Variants in COMMD3 observed in about 807,000 individuals in gnomAD.
COMMD3 encodes COMM domain containing 3.
In COMMD3, 31 loss-of-function variants were observed where a neutral mutation model predicts 31.2. That is an observed-to-expected ratio of 0.99 (90% confidence interval 0.75 to 1.34). The LOEUF is 1.34. COMMD3 is among the 40% of genes most tolerant of loss of function. COMMD3 has a pLI of 0.00. For synonymous variants in COMMD3, 108 were observed against 87.3 expected, an observed-to-expected ratio of 1.24 and a Z score of -1.32; for missense variants, 274 against 236.9, an observed-to-expected ratio of 1.16 and a Z score of -1.03.
At chr10:22,317,120 G>T (rs140896288) in intron 1 of COMMD3, among the ~76,000 whole-genome samples, 25 of 152,290 alleles carry the variant, frequency 1.6e-4, no homozygotes, top group African/African-American at 5.8e-4. Context: ...ACAATACTTT[G>T]TTCCGCCCCA....
rs1835894032 is a variant in COMMD3 at position 22,318,302 on chromosome 10, G to C, written c.346G>C (p.Gly116Arg). The C allele has an allele frequency of 6.2e-7, 1 of 1,602,738 alleles. No individual in the cohort carries two copies. The highest frequency in any genetic ancestry group is 8.5e-7 in the Non-Finnish European group (1 of 1,177,152). ...TAAGAATTCCCTAGAAATCCTACTG[G>C]GAAGGTAGGTACTGTATAAGGTGTC... is the stretch of plus-strand genomic sequence containing the variant. The part of the protein sequence containing the change: ...NNKNSLEILL[G>R]SIGRSLPHIT... The change falls in exon 4 of 8, where the codon GGA (glycine) becomes CGA (arginine). Residue 116 changes from glycine to arginine, a missense_variant. Physicochemically the swap from Gly to Arg is moderately radical, Grantham distance 125. Transcript: ENST00000376836.
chr10:22,319,016 C>A lies in COMMD3; in HGVS notation c.526C>A (p.Gln176Lys). Residue 176 changes from glutamine to lysine, a missense_variant and splice_region_variant, in exon 7 of 8, where the codon CAG becomes AAG. By Grantham distance (53) the Gln-to-Lys change is moderately conservative. Transcript: ENST00000376836. ...TTTTAGTTGCAGCATGGAACAATTA[C>A]AGGTACAGTATTAGGATCTATAAAT... ...ISFSCSMEQL[Q>K]DLVGKLKDAS... 6.2e-7 allele frequency: 1 copy of A among 1,610,814 alleles called. No homozygotes were observed. The highest frequency in any genetic ancestry group is 8.5e-7 in the Non-Finnish European group (1 of 1,178,890).
chr10:22,316,700 G>A lies in COMMD3; in HGVS notation c.139+144G>A, dbSNP rs961735176. On this transcript the variant is annotated intron_variant, in intron 1 of 7. Coordinates refer to ENST00000376836, the MANE Select transcript of COMMD3 (RefSeq NM_012071.4). ...CCTTCGCTCCGGACGGAGTGTTGGG[G>A]ACGTGGCTCTGCCAGGACTCGGAGC... is the stretch of plus-strand genomic sequence containing the variant. The A allele has an allele frequency of 3.8e-6, 5 of 1,325,958 alleles. No individual in the cohort carries two copies. The African/African-American group carries it at 7.6e-5, about 20-fold the overall frequency. 82.1% of individuals were successfully genotyped at this position (1,325,958 alleles called of 1,614,324 possible). A position where few individuals can be genotyped will look rare whatever the true frequency, so the allele number is the denominator to read the frequency against.
At chr10:22,318,248 T>C in intron 3 of COMMD3, 24 bp from the exon 4 acceptor site, 1 of 1,599,944 alleles carries the variant, frequency 6.3e-7, no homozygotes, top group South Asian at 1.1e-5. Context: ...TTTCTTTCTT[T>C]CTTGCTTTCT....
intron 7 of COMMD3, 199 bp downstream of exon 7, chr10:22,319,217 A>G: frequency 3.5e-6 from 2 of 570,168 alleles, no homozygotes. Flanking sequence ...TGTTATTAAT[A>G]GAGAATTGGT....
intron 3 of COMMD3, 41 bp from the exon 4 acceptor site, chr10:22,318,230 TG>T (rs753456049): frequency 2.1e-5 from 34 of 1,586,962 alleles, no homozygotes; most frequent in Middle Eastern, 1.7e-4. Context: ...TTTGTAAAGA[TG>T]TTTTTTTTTC....
chr10:22,320,002 G>A lies in COMMD3; in HGVS notation c.*4G>A. On this transcript the variant is annotated 3_prime_UTR_variant, in exon 8 of 8. Transcript: ENST00000376836. ...GGAAAGAGCAACTCAGTTGTAACTT[G>A]GGGAAGTTAACGATCCGCCCGAGTG... 1 of 1,614,128 alleles carries A rather than the reference G, an allele frequency of 6.2e-7. No individual in the cohort carries two copies. Among genetic ancestry groups the A allele is most frequent in the Non-Finnish European group, 8.5e-7 (1 of 1,179,988 alleles).
chr10:22,318,325 G>A lies in COMMD3; in HGVS notation c.350+19G>A. Reference sequence around the variant, plus strand: ...TGGGAAGGTAGGTACTGTATAAGGTGTCAAGCTGAGGCACTTTTCACTTGC... The same window carrying A: ...TGGGAAGGTAGGTACTGTATAAGGTATCAAGCTGAGGCACTTTTCACTTGC... On this transcript the variant is annotated intron_variant, in intron 4 of 7. Coordinates refer to ENST00000376836, the MANE Select transcript of COMMD3 (RefSeq NM_012071.4). 3 of 1,588,204 alleles carry A rather than the reference G, an allele frequency of 1.9e-6. No homozygotes were observed. The highest frequency in any genetic ancestry group is 2.6e-6 in the Non-Finnish European group (3 of 1,172,926).
chr10:22,319,817 T>G, intron 7 of COMMD3, 122 bp from the exon 8 acceptor site: 1 of 1,219,588 alleles, frequency 8.2e-7, no homozygotes, highest in Non-Finnish European at 1.1e-6. Flanking sequence ...GTTAAAATCT[T>G]GTTGAATTTT....
intron 4 of COMMD3, 163 bp downstream of exon 4, chr10:22,318,469 T>C: frequency 4.4e-6 from 5 of 1,147,458 alleles, no homozygotes; most frequent in South Asian, 3.1e-5. Context: ...AGATCGTTTA[T>C]TGAGATGATT....
intron 1 of COMMD3, chr10:22,316,948 A>G (rs528814235): frequency 6.3e-6 from 1 of 158,978 alleles, no homozygotes; most frequent in African/African-American, 2.4e-5. Context: ...TTCCAGGGCT[A>G]GGCTAGCAAA....
In COMMD3 at chr10:22,319,941, C is replaced by G. The variant is rs377084138; in HGVS notation, c.531C>G (p.Asp177Glu). Residue 177 changes from aspartate (D) to glutamate (E), a missense_variant and splice_region_variant, in exon 8 of 8, where the codon GAC (aspartate) becomes GAG (glutamate). Asp to Glu is a conservative substitution (Grantham distance 45). Coordinates refer to ENST00000376836, the MANE Select transcript of COMMD3 (RefSeq NM_012071.4). Reference protein sequence around the residue: ...SFSCSMEQLQDLVGKLKDASK... With the variant: ...SFSCSMEQLQELVGKLKDASK... The stretch of plus-strand genomic sequence containing the variant: ...GGTATTGTATACACGTCTTTTAGGA[C>G]TTGGTGGGGAAACTTAAAGATGCTT... 5.0e-6 allele frequency: 8 copies of G among 1,613,802 alleles called. No homozygotes were observed. Among genetic ancestry groups the G allele is most frequent in the Non-Finnish European group, 5.9e-6 (7 of 1,179,980 alleles).
At chr10:22,318,231 G>A in intron 3 of COMMD3, 41 bp from the exon 4 acceptor site, 1 of 1,573,830 alleles carries the variant, frequency 6.4e-7, no homozygotes, top group African/African-American at 1.4e-5. Context: ...TTGTAAAGAT[G>A]TTTTTTTTTC....
chr10:22,319,971 A>T lies in COMMD3; in HGVS notation c.561A>T (p.Lys187Asn). ...TGGGGAAACTTAAAGATGCTTCGAA[A>T]AGCCTGGAAAGAGCAACTCAGTTGT... ...DLVGKLKDAS[K>N]SLERATQL is the part of the protein sequence containing the mutation. The change falls in exon 8 of 8, where the codon AAA becomes AAT. Residue 187 changes from lysine (K) to asparagine (N), a missense_variant. Physicochemically the swap from Lys to Asn is moderately conservative, Grantham distance 94. Coordinates refer to ENST00000376836, the MANE Select transcript of COMMD3 (RefSeq NM_012071.4). 3.7e-6 allele frequency: 6 copies of T among 1,614,174 alleles called. No homozygotes were observed.
At chr10:22,319,497 T>C (rs918535735) in intron 7 of COMMD3, 3 of 168,076 alleles carry the variant, frequency 1.8e-5, no homozygotes, top group African/African-American at 7.2e-5. Flanking sequence ...CATTTATTAG[T>C]GGATATGACA....
chr10:22,318,576 G>T lies in COMMD3; in HGVS notation c.351-77G>T. 4 of 1,330,278 alleles carry T rather than the reference G, an allele frequency of 3.0e-6. No homozygotes were observed. In the South Asian group the frequency reaches 4.8e-5, roughly 16 times the overall value. 82.4% of individuals were successfully genotyped at this position (1,330,278 alleles called of 1,614,324 possible). ...AATGGAGTTGGGGGTGGAAAGTAGA[G>T]CCATTCTTAGTAAATATAAATAACT... On this transcript the variant is annotated intron_variant, in intron 4 of 7. Transcript: ENST00000376836.
chr10:22,316,539 C>T lies in COMMD3; in HGVS notation c.122C>T (p.Ala41Val). The T allele has an allele frequency of 1.9e-6, 3 of 1,548,496 alleles. 1 individual carries two copies. The highest frequency in any genetic ancestry group is 2.4e-5 in the South Asian group (2 of 83,916). Residue 41 changes from alanine to valine, a missense_variant, in exon 1 of 8, where the codon GCG (alanine) becomes GTG (valine). Coordinates refer to ENST00000376836, the MANE Select transcript of COMMD3 (RefSeq NM_012071.4). ...AAFQSLLDAQ[A>V]DEAVLDHPDL... ...TTCCAGAGTCTGCTGGACGCCCAGG[C>T]GGACGAGGCCGTGTTAGGTAAGCCG...
intron 3 of COMMD3, 27 bp downstream of exon 3, chr10:22,318,195 A>T: frequency 1.3e-6 from 2 of 1,599,458 alleles, no homozygotes; most frequent in Non-Finnish European, 1.7e-6. Flanking sequence ...TTTTTAATTA[A>T]CAGTACTATT....
intron 1 of COMMD3, among the ~76,000 whole-genome samples, chr10:22,317,274 G>GT (rs925075954): frequency 3.5e-4 from 53 of 151,290 alleles, no homozygotes; most frequent in South Asian, 1.5e-3. Context: ...TCAAATTTTT[G>GT]TTTTTTTTCT....
Sources: allele counts gnomAD v4.1 joint callset (sites outside exome capture counted in the v4.1 genomes callset), GRCh38; gene constraint gnomAD v4.1.1; transcripts MANE v1.5; gene names NCBI Gene and HGNC (gene_info 2026-07-23, HGNC 2026-07-21).